The following KIF4A variants were observed in gnomAD, a reference collection of about 807,000 sequenced individuals.
The protein encoded by KIF4A is kinesin family member 4A.
In KIF4A, 7 loss-of-function variants were observed where a neutral mutation model predicts 105.9. That is an observed-to-expected ratio of 0.07 (90% confidence interval 0.04 to 0.12). The LOEUF is 0.12. Ranked by LOEUF, KIF4A falls within the 10% of genes least tolerant of loss-of-function variation. The pLI is 1.00. For synonymous variants in KIF4A, 281 were observed against 331.3 expected, an observed-to-expected ratio of 0.85 and a Z score of 1.65; for missense variants, 558 against 929.2, an observed-to-expected ratio of 0.60 and a Z score of 5.19.
chrX:70,315,612 GAGTATCTGA>G (rs2085866397), intron 7 of KIF4A, among the ~76,000 whole-genome samples: 1 of 111,466 alleles, frequency 9.0e-6, no homozygotes, highest in Admixed American at 9.6e-5. Context: ...TCTAATGCTG[GAGTATCTGA>G]AGTCATAGCA....
chrX:70,303,322 C>T (rs1282213511), intron 7 of KIF4A, among the ~76,000 whole-genome samples: 1 of 112,032 alleles, frequency 8.9e-6, no homozygotes, highest in Non-Finnish European at 1.9e-5. Flanking sequence ...TCAGCAGTCT[C>T]GTTTGAAATT....
intron 15 of KIF4A, among the ~76,000 whole-genome samples, chrX:70,371,860 G>A (rs1276024019): frequency 1.1e-4 from 11 of 99,384 alleles, no homozygotes; most frequent in African/African-American, 2.6e-4. Flanking sequence ...GGCGGCTGCC[G>A]GGTGGAGGGG....
chrX:70,375,132 AGTCTAGTATTAT>A, intron 16 of KIF4A, 60 bp from the exon 17 acceptor site: 1 of 1,086,597 alleles, frequency 9.2e-7, no homozygotes, highest in Non-Finnish European at 1.2e-6. Context: ...TAACTCTGGG[AGTCTAGTATTAT>A]GTCTTTTGAA....
chrX:70,373,552 A>G (rs1356741554), intron 15 of KIF4A, among the ~76,000 whole-genome samples: 1 of 43,365 alleles, frequency 2.3e-5, no homozygotes, highest in Non-Finnish European at 3.7e-5. Flanking sequence ...ATATATATAT[A>G]TATACGTATA....
chrX:70,380,684 T>A (rs1277290912), intron 18 of KIF4A, among the ~76,000 whole-genome samples: 2 of 111,815 alleles, frequency 1.8e-5, no homozygotes, highest in Non-Finnish European at 3.8e-5. Context: ...CCAGGAAGTT[T>A]AGGGAAGAAA....
rs1349201973 is a variant in KIF4A, at chrX:70,296,054, A to G, written c.236-944A>G. ...TTTAAGCTGCTTTTTTCAGTTAACT[A>G]TATTGTGAACATCTTTGAATAAATG... On this transcript the variant is annotated intron_variant, in intron 3 of 30. Coordinates refer to ENST00000374403, the MANE Select transcript of KIF4A (RefSeq NM_012310.5). Among the ~76,000 whole-genome samples, 9 of 99,052 alleles carry G rather than the reference A, an allele frequency of 9.1e-5. No individual in the cohort carries two copies. The East Asian group carries it at 2.5e-3, about 27-fold the overall frequency. The allele number at this position is 99,052 out of a possible 115,157, so 86.0% of individuals were successfully genotyped here.
At chrX:70,361,080 GC>G (rs1244828221) in intron 15 of KIF4A, among the ~76,000 whole-genome samples, 2 of 112,705 alleles carry the variant, frequency 1.8e-5, no homozygotes, top group Non-Finnish European at 3.8e-5. Context: ...AGCAGAGGCA[GC>G]CCACGTGGTC....
intron 13 of KIF4A, among the ~76,000 whole-genome samples, chrX:70,347,625 T>C (rs1473881534): frequency 9.0e-6 from 1 of 111,112 alleles, no homozygotes; most frequent in Non-Finnish European, 1.9e-5. Context: ...ATACTGAAAA[T>C]TGAAACATGG....
At chrX:70,302,280 T>G in intron 6 of KIF4A, 24 bp from the exon 7 acceptor site, 2 of 1,201,200 alleles carry the variant, frequency 1.7e-6, no homozygotes, top group Non-Finnish European at 2.3e-6. Flanking sequence ...CCATTCTCAC[T>G]GTGTCTTCCT....
intron 13 of KIF4A, among the ~76,000 whole-genome samples, chrX:70,350,314 G>A (rs967809675): frequency 1.9e-4 from 21 of 111,735 alleles, no homozygotes; most frequent in Middle Eastern, 4.6e-3. Flanking sequence ...GCGAAACCCC[G>A]TCTCCACCAA....
At chrX:70,360,906 C>A (rs2086072682) in intron 15 of KIF4A, among the ~76,000 whole-genome samples, 1 of 112,827 alleles carries the variant, frequency 8.9e-6, no homozygotes, top group Non-Finnish European at 1.9e-5. Context: ...AGAATGGAGG[C>A]CGAGTCCAGA....
intron 7 of KIF4A, among the ~76,000 whole-genome samples, chrX:70,324,544 A>G (rs980841760): frequency 8.1e-5 from 9 of 111,657 alleles, no homozygotes; most frequent in Admixed American, 5.7e-4. Context: ...TGACTTCTAC[A>G]TCCTTCATTC....
chrX:70,363,900 C>G lies in KIF4A; in HGVS notation c.1674+10093C>G, dbSNP rs976395022. Among the ~76,000 whole-genome samples, 5 of 111,737 alleles carry G rather than the reference C, an allele frequency of 4.5e-5. No homozygotes were observed. The South Asian group carries it at 1.9e-3, about 42-fold the overall frequency. ...CTATTTCTCCACATCCTCTCCAGTA[C>G]CTATTGTTTCCTGACTTTAATGATC... On this transcript the variant is annotated intron_variant, in intron 15 of 30. Transcript: ENST00000374403.
rs747512166 is a variant in KIF4A, at chrX:70,341,783, A to G, written c.1134-16A>G. 25 of 1,197,526 alleles carry G rather than the reference A, an allele frequency of 2.1e-5. No individual in the cohort carries two copies. The highest frequency in any genetic ancestry group is 4.4e-5 in the Admixed American group (2 of 45,078). The stretch of plus-strand genomic sequence containing the variant: ...CAATCAGATATTTTTCTAATATGTT[A>G]TTTACTTTGTTTTAGTGTGGAACCA... On this transcript the variant is annotated splice_polypyrimidine_tract_variant and intron_variant, in intron 10 of 30. Transcript: ENST00000374403.
intron 23 of KIF4A, among the ~76,000 whole-genome samples, 166 bp from the exon 24 acceptor site, chrX:70,403,698 T>A (rs1654367653): frequency 8.9e-6 from 1 of 112,497 alleles, no homozygotes; most frequent in African/African-American, 3.2e-5. Context: ...GTATATTTAC[T>A]ATTCAATGTT....
intron 10 of KIF4A, among the ~76,000 whole-genome samples, chrX:70,337,491 C>A (rs777268249): frequency 9.0e-6 from 1 of 111,029 alleles, no homozygotes; most frequent in Admixed American, 9.6e-5. Flanking sequence ...GGCAACATGG[C>A]GAAACCCTGT....
At chrX:70,408,536 G>T (rs766902184) in intron 28 of KIF4A, among the ~76,000 whole-genome samples, 2 of 111,845 alleles carry the variant, frequency 1.8e-5, no homozygotes, top group South Asian at 7.5e-4. Context: ...CACTTAAAGA[G>T]AACAGTTCAC....
chrX:70,332,310 T>C (rs2147692737), intron 9 of KIF4A, among the ~76,000 whole-genome samples: 1 of 111,269 alleles, frequency 9.0e-6, no homozygotes, highest in East Asian at 2.8e-4. Context: ...AGAAGATCAG[T>C]TAGAAGAATA....
At position 70,420,083 on chromosome X, in the gene KIF4A, G is replaced by A; in HGVS notation, c.3517G>A (p.Val1173Met). The A allele has an allele frequency of 8.3e-7, 1 of 1,210,929 alleles. No homozygotes were observed. The highest frequency in any genetic ancestry group is 2.3e-4 in the Middle Eastern group (1 of 4,353). The change falls in exon 31 of 31, where the codon GTG (valine) becomes ATG (methionine). Residue 1173 changes from valine (V) to methionine (M), a missense_variant. Around this residue, in one of 2 missense-constraint regions of KIF4A, gnomAD observed 469 missense variants for 680.4 expected, o/e 0.69. Transcript: ENST00000374403. ...CTAGATCCTGAAAGAGATGTGCGAT[G>A]TGGAGCAGGTGCTGTCAAAGAAGAC... ...NSKILKEMCD[V>M]EQVLSKKTPP...
Sources: allele counts gnomAD v4.1 joint callset (sites outside exome capture counted in the v4.1 genomes callset), GRCh38; gene constraint gnomAD v4.1.1; regional missense constraint gnomAD v4.1.1; transcripts MANE v1.5; gene names NCBI Gene and HGNC (gene_info 2026-07-23, HGNC 2026-07-21).